CLSTN2: variants seen among roughly 807,000 people sequenced by gnomAD.
The protein encoded by CLSTN2 is calsyntenin 2.
A neutral mutation model predicts 101.2 loss-of-function variants in CLSTN2; 48 were observed. The observed-to-expected ratio is 0.47, with a 90% confidence interval of 0.38 to 0.60. CLSTN2 has a LOEUF of 0.60. Ranked by LOEUF, CLSTN2 falls within the 20% of genes least tolerant of loss-of-function variation. The pLI, the probability that CLSTN2 is intolerant of heterozygous loss-of-function variation, is 0.00. For missense variants in CLSTN2, 1,160 were observed against 1,238.2 expected (o/e 0.94, Z 0.95); for synonymous variants, 481 against 463.6 (o/e 1.04, Z -0.48).
chr3:139,947,665 TTTG>T (rs933970662), intron 1 of CLSTN2, among the ~76,000 whole-genome samples: 2 of 152,200 alleles, frequency 1.3e-5, no homozygotes, highest in South Asian at 2.1e-4. Flanking sequence ...TAGATTTATT[TTTG>T]TTGTTGTTTT....
chr3:139,942,720 T>C (rs1428959315), intron 1 of CLSTN2, among the ~76,000 whole-genome samples: 1 of 152,156 alleles, frequency 6.6e-6, no homozygotes, highest in Non-Finnish European at 1.5e-5. Flanking sequence ...ACAGGGCATA[T>C]AGCAGCAGAT....
rs568638925 is a variant in CLSTN2 at position 140,569,606 on chromosome 3, C to A, written c.*3353C>A. 2 of 152,302 alleles carry A rather than the reference C, an allele frequency of 1.3e-5. No individual in the cohort carries two copies. The highest frequency in any genetic ancestry group is 3.9e-4 in the East Asian group (2 of 5,178). 9.4% of individuals were successfully genotyped at this position (152,302 alleles called of 1,614,324 possible). A position where few individuals can be genotyped will look rare whatever the true frequency, so the allele number is the denominator to read the frequency against. ...TTTGATCAAATGCTGTAAGCACAGCCAAGGCCCAAATTCATCTAGATACCA... is the reference window on the plus strand; with the variant it reads ...TTTGATCAAATGCTGTAAGCACAGCAAAGGCCCAAATTCATCTAGATACCA... On this transcript the variant is annotated 3_prime_UTR_variant, in exon 17 of 17. Transcript: ENST00000458420.
intron 2 of CLSTN2, among the ~76,000 whole-genome samples, chr3:140,203,566 C>G (rs2010746214): frequency 6.8e-6 from 1 of 146,624 alleles, no homozygotes. Context: ...TTCCTGAGAC[C>G]ACGGTGCAAT....
intron 2 of CLSTN2, among the ~76,000 whole-genome samples, chr3:140,182,516 T>C (rs749235791): frequency 2.5e-4 from 38 of 152,258 alleles, no homozygotes; most frequent in Non-Finnish European, 4.9e-4. Context: ...GCAGCAGAGA[T>C]GCCATCCACA....
chr3:140,155,175 G>A (rs577398548), intron 1 of CLSTN2, among the ~76,000 whole-genome samples: 1 of 152,204 alleles, frequency 6.6e-6, no homozygotes, highest in South Asian at 2.1e-4. Context: ...CCGATGATTA[G>A]AGTGAATGGA....
At chr3:140,189,219 T>A (rs2010525395) in intron 2 of CLSTN2, among the ~76,000 whole-genome samples, 5 of 152,250 alleles carry the variant, frequency 3.3e-5, no homozygotes, top group Admixed American at 2.6e-4. Flanking sequence ...TAAACATTTA[T>A]GTACAAGTTT....
intron 1 of CLSTN2, among the ~76,000 whole-genome samples, chr3:140,130,531 T>C (rs776160712): frequency 3.3e-5 from 5 of 152,282 alleles, no homozygotes; most frequent in Non-Finnish European, 5.9e-5. Context: ...ATTCTCTCAG[T>C]GAACATTTAC....
chr3:140,314,156 G>A (rs2087205150), intron 2 of CLSTN2, among the ~76,000 whole-genome samples: 1 of 152,094 alleles, frequency 6.6e-6, no homozygotes, highest in Non-Finnish European at 1.5e-5. Context: ...TCTTATTTCT[G>A]TCTTCCAGTT....
intron 2 of CLSTN2, among the ~76,000 whole-genome samples, chr3:140,255,795 G>A (rs997504242): frequency 6.6e-6 from 1 of 152,092 alleles, no homozygotes; most frequent in Non-Finnish European, 1.5e-5. Context: ...TACTAAAAAG[G>A]AATTTTTTTA....
intron 5 of CLSTN2, among the ~76,000 whole-genome samples, chr3:140,431,760 G>C (rs1336759221): frequency 1.3e-5 from 2 of 152,172 alleles, no homozygotes; most frequent in East Asian, 3.9e-4. Flanking sequence ...TAGGTATGGA[G>C]TGAGAAGGGC....
At chr3:140,305,629 A>G (rs1469046401) in intron 2 of CLSTN2, among the ~76,000 whole-genome samples, 1 of 152,150 alleles carries the variant, frequency 6.6e-6, no homozygotes, top group African/African-American at 2.4e-5. Context: ...CATAGTCCTT[A>G]CCTTCCAGCA....
At chr3:139,955,696 T>C (rs1371024510) in intron 1 of CLSTN2, among the ~76,000 whole-genome samples, 8 of 24,178 alleles carry the variant, frequency 3.3e-4, no homozygotes, top group African/African-American at 6.5e-4. Context: ...ATCTCAGATG[T>C]GCCTCTCACT....
At chr3:140,167,113 A>G (rs1042445301) in intron 1 of CLSTN2, among the ~76,000 whole-genome samples, 3 of 152,190 alleles carry the variant, frequency 2.0e-5, no homozygotes, top group Non-Finnish European at 4.4e-5. Context: ...CCAGCATCCC[A>G]TGAAGCCAAG....
At chr3:140,140,513 G>T (rs1161076576) in intron 1 of CLSTN2, among the ~76,000 whole-genome samples, 1 of 152,148 alleles carries the variant, frequency 6.6e-6, no homozygotes, top group Non-Finnish European at 1.5e-5. Flanking sequence ...ACCCCTGCAT[G>T]AGACAGCCAC....
At position 140,194,210 on chromosome 3, in the gene CLSTN2, A is replaced by G. The variant is rs199983466; in HGVS notation, c.232+18137A>G. On this transcript the variant is annotated intron_variant, in intron 2 of 16. Coordinates refer to ENST00000458420, the MANE Select transcript of CLSTN2 (RefSeq NM_022131.3). ...TGTAGTTCTGGAGTTTGAGAAGTCC[A>G]AGATCAAGGTGCTGTCAGTGCCTGG... 2.0e-5 allele frequency among the ~76,000 whole-genome samples: 3 copies of G among 152,168 alleles called. No homozygotes were observed. The East Asian group carries it at 5.8e-4, about 29-fold the overall frequency.
intron 8 of CLSTN2, among the ~76,000 whole-genome samples, chr3:140,522,133 G>T (rs1365801905): frequency 6.6e-6 from 1 of 152,234 alleles, no homozygotes; most frequent in African/African-American, 2.4e-5. Flanking sequence ...ATCACTCACT[G>T]CTTCCTTTGG....
intron 1 of CLSTN2, among the ~76,000 whole-genome samples, chr3:139,951,487 G>A (rs566851398): frequency 6.6e-6 from 1 of 152,270 alleles, no homozygotes; most frequent in African/African-American, 2.4e-5. Flanking sequence ...CCAAGCAAAA[G>A]GAGAATCACT....
chr3:140,061,286 G>C (rs997121899), intron 1 of CLSTN2, among the ~76,000 whole-genome samples: 1 of 152,172 alleles, frequency 6.6e-6, no homozygotes, highest in Non-Finnish European at 1.5e-5. Context: ...CCTTTATCTG[G>C]AGCATTAGTT....
intron 2 of CLSTN2, among the ~76,000 whole-genome samples, chr3:140,300,885 T>C (rs566573082): frequency 1.3e-5 from 2 of 152,250 alleles, no homozygotes; most frequent in African/African-American, 2.4e-5. Context: ...TCCCATTATC[T>C]GCTGTCTGCA....
Sources: gnomAD v4.1 joint callset for allele counts (sites outside exome capture counted in the v4.1 genomes callset) on GRCh38, gnomAD v4.1.1 for gene constraint, MANE v1.5 for transcripts, NCBI Gene and HGNC (gene_info 2026-07-23, HGNC 2026-07-21) for gene names.